FAM53B: variants seen among roughly 807,000 people sequenced by gnomAD.
FAM53B encodes protein FAM53B.
Under a neutral mutation model 32.7 loss-of-function variants are expected in FAM53B, and 12 were observed. That is an observed-to-expected ratio of 0.37 (90% CI 0.24 to 0.59). The LOEUF (loss-of-function observed/expected upper bound fraction) is 0.59, where lower values mean the gene tolerates loss of function less well. Ranked by LOEUF, FAM53B falls within the 20% of genes least tolerant of loss-of-function variation. FAM53B has a pLI of 0.72. For missense variants in FAM53B, 477 were observed against 577.7 expected (o/e 0.83, Z 1.79); for synonymous variants, 234 against 228.7 (o/e 1.02, Z -0.21).
At chr10:124,716,467 C>T (rs914686073) in intron 1 of FAM53B, among the ~76,000 whole-genome samples, 2 of 152,148 alleles carry the variant, frequency 1.3e-5, no homozygotes, top group African/African-American at 4.8e-5. Context: ...AAGCAAATAA[C>T]ATTTCAAGAG....
intron 1 of FAM53B, among the ~76,000 whole-genome samples, chr10:124,739,043 C>CAAAA (rs374990179): frequency 9.3e-6 from 1 of 107,712 alleles, no homozygotes; most frequent in Non-Finnish European, 2.0e-5. Flanking sequence ...CTCCAAAAAA[C>CAAAA]AAAAAAAAAA....
At chr10:124,655,573 A>T (rs1020101938) in intron 4 of FAM53B, among the ~76,000 whole-genome samples, 5 of 152,120 alleles carry the variant, frequency 3.3e-5, no homozygotes, top group Admixed American at 6.5e-5. Context: ...TGGCCACTCC[A>T]GGTAACGCCC....
rs910994917 is a variant in FAM53B at position 124,696,160 on chromosome 10, A to G, written c.131T>C (p.Met44Thr). The change falls in exon 3 of 5, where the codon ATG becomes ACG. Residue 44 changes from methionine (M) to threonine (T), a missense_variant and splice_region_variant. Met to Thr is a moderately conservative substitution (Grantham distance 81). Coordinates refer to ENST00000337318, the MANE Select transcript of FAM53B (RefSeq NM_014661.4). ...QGPTLFSCGI[M>T]ENDRWRDLDR... The stretch of plus-strand genomic sequence containing the variant: ...CCAGGATGGCCTTGAGTACTTACCC[A>G]TAATTCCACAAGAGAAAAGTGTAGG... 3.7e-6 allele frequency: 6 copies of G among 1,613,708 alleles called. No individual in the cohort carries two copies. In the African/African-American group the frequency reaches 5.3e-5, roughly 14 times the overall value.
At chr10:124,646,164 A>T (rs927798745) in intron 4 of FAM53B, among the ~76,000 whole-genome samples, 1 of 152,232 alleles carries the variant, frequency 6.6e-6, no homozygotes, top group Non-Finnish European at 1.5e-5. Flanking sequence ...GGATGGAGTC[A>T]GGGATCCTCC....
At chr10:124,624,558 G>A (rs954600786) in intron 4 of FAM53B, among the ~76,000 whole-genome samples, 4 of 152,172 alleles carry the variant, frequency 2.6e-5, no homozygotes, top group South Asian at 2.1e-4. Flanking sequence ...AAGCTTCTCC[G>A]CTCACCAAGT....
At chr10:124,701,748 C>T (rs943789235) in intron 2 of FAM53B, among the ~76,000 whole-genome samples, 5 of 151,842 alleles carry the variant, frequency 3.3e-5, no homozygotes, top group Admixed American at 1.3e-4. Flanking sequence ...GCAGTGCAAG[C>T]GAAGCCAGGG....
chr10:124,706,489 T>G, intron 2 of FAM53B, 147 bp downstream of exon 2: 1 of 900,690 alleles, frequency 1.1e-6, no homozygotes, highest in Non-Finnish European at 1.8e-6. Context: ...CTGTGCCCTG[T>G]TGCCCCAGCC....
chr10:124,630,941 C>T (rs544856516), intron 4 of FAM53B, among the ~76,000 whole-genome samples: 30 of 152,348 alleles, frequency 2.0e-4, no homozygotes, highest in Non-Finnish European at 3.2e-4. Flanking sequence ...ACAGGGCAGG[C>T]GCCATTTTTC....
intron 4 of FAM53B, among the ~76,000 whole-genome samples, chr10:124,642,291 G>A (rs1949481159): frequency 6.6e-6 from 1 of 152,236 alleles, no homozygotes; most frequent in Non-Finnish European, 1.5e-5. Context: ...TCCAGGGAAG[G>A]AGAGGACAGC....
intron 4 of FAM53B, among the ~76,000 whole-genome samples, chr10:124,671,000 C>T (rs545452982): frequency 6.6e-5 from 10 of 152,300 alleles, no homozygotes; most frequent in Non-Finnish European, 1.5e-4. Context: ...GACGGAGCTG[C>T]GATGCGCGCT....
At chr10:124,717,068 G>A (rs1950042380) in intron 1 of FAM53B, among the ~76,000 whole-genome samples, 1 of 152,160 alleles carries the variant, frequency 6.6e-6, no homozygotes, top group East Asian at 1.9e-4. Context: ...AAAATGGAAA[G>A]ACCCAAACAA....
At chr10:124,662,078 A>AC (rs1166671750) in intron 4 of FAM53B, among the ~76,000 whole-genome samples, 4 of 152,170 alleles carry the variant, frequency 2.6e-5, no homozygotes, top group Non-Finnish European at 5.9e-5. Flanking sequence ...CCCTTTGTGG[A>AC]CAACACCTGA....
At chr10:124,648,914 T>TGCCACAACAAGCGA (rs1949538387) in intron 4 of FAM53B, among the ~76,000 whole-genome samples, 1 of 152,158 alleles carries the variant, frequency 6.6e-6, no homozygotes, top group South Asian at 2.1e-4. Flanking sequence ...GGAAAGTGCT[T>TGCCACAACAAGCGA]GCCACAACAA....
At chr10:124,646,753 G>A (rs531041575) in intron 4 of FAM53B, among the ~76,000 whole-genome samples, 11 of 152,328 alleles carry the variant, frequency 7.2e-5, no homozygotes, top group African/African-American at 2.6e-4. Context: ...CTGCAATACT[G>A]GGGTGATTCA....
chr10:124,729,519 C>T (rs758801989), intron 1 of FAM53B, among the ~76,000 whole-genome samples: 1 of 152,178 alleles, frequency 6.6e-6, no homozygotes, highest in Non-Finnish European at 1.5e-5. Flanking sequence ...TCTTTTTTCA[C>T]TCTTGCCCAA....
intron 4 of FAM53B, among the ~76,000 whole-genome samples, chr10:124,625,014 T>C (rs1213937088): frequency 6.6e-6 from 1 of 152,172 alleles, no homozygotes; most frequent in African/African-American, 2.4e-5. Context: ...AAGCAGGGCC[T>C]TGGAGCACCC....
At chr10:124,742,765 C>G (rs961409644) in intron 1 of FAM53B, 1 of 152,274 alleles carries the variant, frequency 6.6e-6, no homozygotes, top group East Asian at 1.9e-4. Context: ...AAGGCGAGCG[C>G]GGCGGCGAAG....
At position 124,733,348 on chromosome 10, in the gene FAM53B, C is replaced by T. The variant is rs1295920726; in HGVS notation, c.-175+10665G>A. On this transcript the variant is annotated intron_variant, in intron 1 of 4. Transcript: ENST00000337318. The surrounding 1 kb of genome is among the most constrained non-coding windows in gnomAD (Gnocchi z 4.3). The stretch of plus-strand genomic sequence containing the variant: ...ATCTGAGGGCGGTGGAGGCCTCAGG[C>T]GCACTGGCCGCCAAGAGTCAGGTGA... 3.9e-5 allele frequency among the ~76,000 whole-genome samples: 6 copies of T among 152,120 alleles called. No individual in the cohort carries two copies. The highest frequency in any genetic ancestry group is 8.8e-5 in the Non-Finnish European group (6 of 68,012).
At chr10:124,708,934 G>A (rs116213780) in intron 1 of FAM53B, among the ~76,000 whole-genome samples, 219 of 152,354 alleles carry the variant, frequency 1.4e-3, no homozygotes, top group African/African-American at 5.0e-3. Context: ...CCTTTGCCAA[G>A]TTACTCTCAG....
Sources: allele counts gnomAD v4.1 joint callset (sites outside exome capture counted in the v4.1 genomes callset), GRCh38; gene constraint gnomAD v4.1.1; non-coding constraint Gnocchi (gnomAD v3.1); transcripts MANE v1.5; gene names NCBI Gene and HGNC (gene_info 2026-07-23, HGNC 2026-07-21).